XKR6: variants seen among roughly 807,000 people sequenced by gnomAD.
XKR6 encodes XK-related protein 6.
A neutral mutation model predicts 56.7 loss-of-function variants in XKR6; 22 were observed. The ratio of observed to expected loss-of-function variants is 0.39; its 90% CI spans 0.28 to 0.55. XKR6 has a LOEUF of 0.55. Ranked by LOEUF, XKR6 falls within the 20% of genes least tolerant of loss-of-function variation. The probability of loss-of-function intolerance (pLI) is 0.66; values close to 1 mark genes in which losing one functional copy is unlikely to be tolerated. For synonymous variants in XKR6, 524 were observed against 387.8 expected (o/e 1.35, Z -4.13); for missense variants, 852 against 889.0 (o/e 0.96, Z 0.53).
At chr8:11,188,422 C>T (rs990688417) in intron 1 of XKR6, among the ~76,000 whole-genome samples, 4 of 152,180 alleles carry the variant, frequency 2.6e-5, no homozygotes, top group Admixed American at 6.5e-5. Flanking sequence ...ACTTCAGCTT[C>T]GTTTTGACAA....
chr8:11,108,329 T>C, intron 1 of XKR6: 1 of 456,240 alleles, frequency 2.2e-6, no homozygotes, highest in Non-Finnish European at 4.4e-6. Flanking sequence ...AACAACAGAA[T>C]CCTAAATTTC....
Position 11,015,672 on chromosome 8 carries a change from A to T in XKR6, c.765-90842T>A, listed in dbSNP as rs1563347201. Among the ~76,000 whole-genome samples, 3 of 152,166 alleles carry T rather than the reference A, an allele frequency of 2.0e-5. No homozygotes were observed. In the South Asian group the frequency reaches 6.2e-4, roughly 32 times the overall value. ...GGACCCAGCGCCCCCCAGGCCCTCC[A>T]AAGACTGGTTGAGCTCAGAACCAGA... On this transcript the variant is annotated intron_variant, in intron 1 of 2. Transcript: ENST00000416569.
intron 1 of XKR6, among the ~76,000 whole-genome samples, chr8:11,144,860 G>A (rs752942957): frequency 1.3e-5 from 2 of 151,360 alleles, no homozygotes; most frequent in Non-Finnish European, 2.9e-5. Flanking sequence ...GGGAAGGGAG[G>A]GGTAGGGAGG....
At chr8:11,189,364 T>C (rs1407777420) in intron 1 of XKR6, among the ~76,000 whole-genome samples, 2 of 152,198 alleles carry the variant, frequency 1.3e-5, no homozygotes, top group Non-Finnish European at 2.9e-5. Context: ...ATCAAAGGAA[T>C]CCTCAATTAT....
In XKR6 at chr8:10,898,867, G is replaced by A. The variant is rs1799958753; in HGVS notation, c.1011C>T (p.Ser337=). 1.2e-6 allele frequency: 2 copies of A among 1,613,832 alleles called. No homozygotes were observed. Among genetic ancestry groups the A allele is most frequent in the Non-Finnish European group, 1.7e-6 (2 of 1,179,860 alleles). The change falls in exon 3 of 3, where the codon TCC becomes TCT. Residue 337 remains serine (S), a synonymous_variant. Coordinates refer to ENST00000416569, the MANE Select transcript of XKR6 (RefSeq NM_173683.4). The surrounding 1 kb of genome is among the most constrained non-coding windows in gnomAD (Gnocchi z 6.6). ...SLMSLAWVLA[S]YHKLLRDSRD... is the part of the protein sequence containing the mutation. ...TGGAGTCCCGCAGCAGCTTGTGATA[G>A]GAGGCTAGCACCCAAGCCAGGGACA... is the stretch of plus-strand genomic sequence containing the variant.
intron 1 of XKR6, among the ~76,000 whole-genome samples, chr8:11,083,587 G>C (rs1797796735): frequency 1.3e-5 from 2 of 152,210 alleles, no homozygotes; most frequent in South Asian, 2.1e-4. Context: ...TTCCCCTTGG[G>C]GGGCCTGGGG....
chr8:11,111,816 G>C (rs984888783), intron 1 of XKR6: 8 of 151,752 alleles, frequency 5.3e-5, no homozygotes, highest in East Asian at 1.9e-4. Context: ...AATTTCCAGA[G>C]TTCCTAAATA....
intron 1 of XKR6, among the ~76,000 whole-genome samples, chr8:11,042,864 T>A (rs578015607): frequency 6.6e-6 from 1 of 152,210 alleles, no homozygotes; most frequent in African/African-American, 2.4e-5. Context: ...GGCAGCTCCC[T>A]GGGCCTCCCT....
At position 11,167,785 on chromosome 8, in the gene XKR6, A is replaced by C. The variant is rs375567708; in HGVS notation, c.764+32791T>G. 4.8e-4 allele frequency among the ~76,000 whole-genome samples: 72 copies of C among 151,276 alleles called. No individual in the cohort carries two copies. In the South Asian group the frequency reaches 0.013, roughly 26 times the overall value. On this transcript the variant is annotated intron_variant, in intron 1 of 2. Coordinates refer to ENST00000416569, the MANE Select transcript of XKR6 (RefSeq NM_173683.4). ...CTGGAAAAAGTATTTTTGTTTGTTT[A>C]TTTGTTTTAGCTCCTGGCATTCAAG...
At chr8:11,199,214 C>G (rs189107945) in intron 1 of XKR6, among the ~76,000 whole-genome samples, 103 of 152,294 alleles carry the variant, frequency 6.8e-4, no homozygotes, top group African/African-American at 2.3e-3. Flanking sequence ...GGTGCAGGGC[C>G]TACGGAACCA....
intron 1 of XKR6, among the ~76,000 whole-genome samples, chr8:11,045,636 G>T (rs1257384662): frequency 6.6e-6 from 1 of 152,184 alleles, no homozygotes; most frequent in Non-Finnish European, 1.5e-5. Context: ...GCTGAGTGTT[G>T]CGGACAGCTC....
chr8:11,004,711 G>A (rs575166817), intron 1 of XKR6, among the ~76,000 whole-genome samples: 4 of 152,264 alleles, frequency 2.6e-5, no homozygotes, highest in Admixed American at 1.3e-4. Context: ...ATAATTAAAA[G>A]CAGGGACTCA....
chr8:11,018,366 T>C (rs1798674035), intron 1 of XKR6, among the ~76,000 whole-genome samples: 1 of 152,178 alleles, frequency 6.6e-6, no homozygotes, highest in African/African-American at 2.4e-5. Flanking sequence ...GCAGAGATAT[T>C]TGACAGGCAG....
chr8:11,093,346 C>T (rs149788048), intron 1 of XKR6, among the ~76,000 whole-genome samples: 4 of 152,320 alleles, frequency 2.6e-5, no homozygotes, highest in East Asian at 1.9e-4. Context: ...TGAGCCACCA[C>T]GCCCAGATCT....
intron 1 of XKR6, among the ~76,000 whole-genome samples, chr8:11,146,756 T>C (rs1312918652): frequency 1.3e-5 from 2 of 151,956 alleles, no homozygotes; most frequent in African/African-American, 2.4e-5. Context: ...ATAAAGAAAG[T>C]GTGGTAAACA....
intron 1 of XKR6, among the ~76,000 whole-genome samples, chr8:11,007,685 G>A (rs1798401682): frequency 6.6e-6 from 1 of 152,074 alleles, no homozygotes; most frequent in Admixed American, 6.5e-5. Flanking sequence ...AAACAAAAAA[G>A]CAAAAGGAAA....
intron 1 of XKR6, among the ~76,000 whole-genome samples, chr8:10,958,375 G>A (rs972799174): frequency 1.4e-4 from 22 of 152,178 alleles, no homozygotes; most frequent in African/African-American, 5.3e-4. Flanking sequence ...GTTCATCTTC[G>A]TTTTCACTGT....
chr8:11,139,401 G>A (rs1251038046), intron 1 of XKR6, among the ~76,000 whole-genome samples: 2 of 152,144 alleles, frequency 1.3e-5, no homozygotes, highest in Non-Finnish European at 2.9e-5. Flanking sequence ...ACTAGAGGAG[G>A]CATGGGCTCT....
chr8:10,899,726 T>C (rs995803187), intron 2 of XKR6, among the ~76,000 whole-genome samples: 1 of 152,214 alleles, frequency 6.6e-6, no homozygotes, highest in African/African-American at 2.4e-5. Flanking sequence ...TTCCCCTTAC[T>C]GGTTTTCTGA....
Sources: allele counts gnomAD v4.1 joint callset (sites outside exome capture counted in the v4.1 genomes callset), GRCh38; gene constraint gnomAD v4.1.1; non-coding constraint Gnocchi (gnomAD v3.1); transcripts MANE v1.5; gene names NCBI Gene and HGNC (gene_info 2026-07-23, HGNC 2026-07-21).